NRXN3: variants seen among roughly 807,000 people sequenced by gnomAD.
NRXN3 encodes the protein neurexin 3.
NRXN3 carries 32 observed loss-of-function variants against 137.6 expected under a neutral mutation model. The observed-to-expected ratio is 0.23, with a 90% confidence interval of 0.18 to 0.31. The LOEUF (loss-of-function observed/expected upper bound fraction) is 0.31, where lower values mean the gene tolerates loss of function less well. Among genes scored for constraint, NRXN3 ranks in the 10% least tolerant of loss-of-function variants. The probability of loss-of-function intolerance (pLI) is 1.00; values close to 1 mark genes in which losing one functional copy is unlikely to be tolerated. For missense variants in NRXN3, 1,574 were observed against 2,062.5 expected, an observed-to-expected ratio of 0.76 and a Z score of 4.59; for synonymous variants, 798 against 784.5, an observed-to-expected ratio of 1.02 and a Z score of -0.29.
At chr14:78,489,376 C>A (rs774464370) in intron 4 of NRXN3, among the ~76,000 whole-genome samples, 1 of 152,172 alleles carries the variant, frequency 6.6e-6, no homozygotes, top group African/African-American at 2.4e-5. Flanking sequence ...TTGGCCTTAA[C>A]TTTCCCCAGT....
intron 16 of NRXN3, among the ~76,000 whole-genome samples, chr14:79,613,114 G>A (rs902775959): frequency 2.6e-5 from 4 of 152,162 alleles, no homozygotes; most frequent in African/African-American, 9.7e-5. Flanking sequence ...TACTATGAAT[G>A]TAGTGGTTGG....
At chr14:78,799,913 C>G (rs1195917032) in intron 8 of NRXN3, among the ~76,000 whole-genome samples, 3 of 152,020 alleles carry the variant, frequency 2.0e-5, no homozygotes, top group Non-Finnish European at 4.4e-5. Context: ...GTCCCTCCCC[C>G]AATATGTGGG....
chr14:79,538,148 T>C (rs993279459), intron 16 of NRXN3, among the ~76,000 whole-genome samples: 12 of 152,228 alleles, frequency 7.9e-5, no homozygotes, highest in African/African-American at 2.9e-4. Context: ...TGTTTGTTTT[T>C]TTCTTGTAAA....
intron 19 of NRXN3, among the ~76,000 whole-genome samples, chr14:79,769,194 ACT>A (rs1437914181): frequency 2.0e-5 from 3 of 148,670 alleles, no homozygotes; most frequent in African/African-American, 7.3e-5. Flanking sequence ...GTTGGAAAAC[ACT>A]CTGCAGGATA....
intron 15 of NRXN3, among the ~76,000 whole-genome samples, chr14:79,234,634 G>T (rs769919468): frequency 5.3e-5 from 8 of 151,422 alleles, no homozygotes; most frequent in African/African-American, 1.5e-4. Flanking sequence ...ATCTGCCTTC[G>T]ACCTCCCAAC....
At chr14:78,220,687 G>C (rs2063757863) in intron 1 of NRXN3, among the ~76,000 whole-genome samples, 1 of 152,076 alleles carries the variant, frequency 6.6e-6, no homozygotes, top group Admixed American at 6.5e-5. Context: ...AGCCTATAGA[G>C]GTTCAAGAAA....
intron 4 of NRXN3, among the ~76,000 whole-genome samples, chr14:78,521,079 G>A (rs1450507405): frequency 6.6e-6 from 1 of 152,144 alleles, no homozygotes; most frequent in Admixed American, 6.5e-5. Flanking sequence ...CAAATACATA[G>A]CAATCAATGT....
intron 3 of NRXN3, among the ~76,000 whole-genome samples, chr14:78,290,221 A>G (rs1345857198): frequency 6.6e-6 from 1 of 152,202 alleles, no homozygotes; most frequent in African/African-American, 2.4e-5. Flanking sequence ...GCCAAAATTT[A>G]CATTTAGCCC....
chr14:78,955,840 C>G (rs185690272), intron 10 of NRXN3, among the ~76,000 whole-genome samples: 48 of 152,212 alleles, frequency 3.2e-4, no homozygotes, highest in Non-Finnish European at 5.9e-4. Context: ...GATTTATATT[C>G]CCCTGTATAA....
In NRXN3 at chr14:78,528,312, C is replaced by G. The variant is rs546446198; in HGVS notation, c.758-116808C>G. 3.9e-5 allele frequency among the ~76,000 whole-genome samples: 6 copies of G among 152,320 alleles called. No individual in the cohort carries two copies. In the East Asian group the frequency reaches 9.6e-4, roughly 24 times the overall value. ...TTTCAAGATGTTGGCAATGCAACAA[C>G]TTCCCTTCAGTGGAATTCCCATTTT... On this transcript the variant is annotated intron_variant, in intron 4 of 20. Coordinates refer to ENST00000335750, the MANE Select transcript of NRXN3 (RefSeq NM_001330195.2).
intron 4 of NRXN3, among the ~76,000 whole-genome samples, chr14:78,545,478 A>G (rs2096628905): frequency 1.3e-5 from 2 of 152,244 alleles, no homozygotes; most frequent in Middle Eastern, 3.4e-3. Flanking sequence ...CATATTAATA[A>G]CCTAGTATAA....
intron 19 of NRXN3, among the ~76,000 whole-genome samples, chr14:79,790,601 G>T (rs2099142057): frequency 6.9e-6 from 1 of 144,190 alleles, no homozygotes; most frequent in South Asian, 2.2e-4. Context: ...GGGCCACTGT[G>T]TCTGGCCCAG....
At chr14:78,708,991 G>T (rs2241441) in intron 6 of NRXN3, among the ~76,000 whole-genome samples, 75,378 of 152,092 alleles carry the variant, frequency 0.5, 21,815 homozygotes, top group Non-Finnish European at 0.63. Context: ...TTGGCCAGGA[G>T]ACAAAAGAAA....
At chr14:79,417,949 G>T (rs942449832) in intron 15 of NRXN3, among the ~76,000 whole-genome samples, 1 of 147,026 alleles carries the variant, frequency 6.8e-6, no homozygotes, top group Non-Finnish European at 1.5e-5. Flanking sequence ...CAACAGAAGC[G>T]TAGAGAATAT....
intron 15 of NRXN3, among the ~76,000 whole-genome samples, chr14:79,386,093 A>G (rs1478383008): frequency 6.6e-6 from 1 of 152,136 alleles, no homozygotes; most frequent in African/African-American, 2.4e-5. Flanking sequence ...GGTGTTGGAA[A>G]TTCTGGCCAG....
chr14:78,185,871 A>G (rs1488890090), intron 1 of NRXN3, among the ~76,000 whole-genome samples: 2 of 152,196 alleles, frequency 1.3e-5, no homozygotes, highest in African/African-American at 2.4e-5. Context: ...TAGCTAGACC[A>G]TGGGTGGGGA....
intron 4 of NRXN3, among the ~76,000 whole-genome samples, chr14:78,421,270 A>G (rs907002236): frequency 6.6e-6 from 1 of 151,898 alleles, no homozygotes; most frequent in Non-Finnish European, 1.5e-5. Context: ...TCAAAAAAAA[A>G]AAAAAGAAAA....
At chr14:79,755,117 A>C (rs1318875560) in intron 19 of NRXN3, among the ~76,000 whole-genome samples, 1 of 152,164 alleles carries the variant, frequency 6.6e-6, no homozygotes, top group African/African-American at 2.4e-5. Context: ...AGAAGCAGAA[A>C]AAAACTTTTT....
intron 16 of NRXN3, among the ~76,000 whole-genome samples, chr14:79,636,336 C>A (rs1405286099): frequency 2.0e-5 from 3 of 152,158 alleles, no homozygotes; most frequent in Non-Finnish European, 4.4e-5. Context: ...ATGCTGCAGT[C>A]TGGGAGAACA....
Sources: allele counts gnomAD v4.1 joint callset (sites outside exome capture counted in the v4.1 genomes callset), GRCh38; gene constraint gnomAD v4.1.1; transcripts MANE v1.5; gene names NCBI Gene and HGNC (gene_info 2026-07-23, HGNC 2026-07-21).